The following HEATR4 variants were observed in gnomAD, a reference collection of about 807,000 sequenced individuals.
The protein encoded by HEATR4 is HEAT repeat-containing protein 4.
Under a neutral mutation model 108.8 loss-of-function variants are expected in HEATR4, and 95 were observed. The ratio of observed to expected loss-of-function variants is 0.87; its 90% confidence interval spans 0.74 to 1.04. The LOEUF is 1.04. Ranked by LOEUF, HEATR4 falls within the 50% of genes least tolerant of loss-of-function variation. The pLI is 0.00. For synonymous variants in HEATR4, 443 were observed against 459.4 expected (o/e 0.96, Z 0.46); for missense variants, 1,152 against 1,253.8 (o/e 0.92, Z 1.23).
intron 17 of HEATR4, among the ~76,000 whole-genome samples, chr14:73,490,661 G>C (rs1042799077): frequency 6.6e-6 from 1 of 152,234 alleles, no homozygotes; most frequent in South Asian, 2.1e-4. Context: ...CACCATACTG[G>C]TCAGGCTGGT....
At chr14:73,496,824 T>C in intron 14 of HEATR4, 145 bp from the exon 15 acceptor site, 1 of 610,710 alleles carries the variant, frequency 1.6e-6, no homozygotes, top group Middle Eastern at 4.3e-4. Flanking sequence ...TATGCAAAAA[T>C]GGTATAATGC....
chr14:73,590,273 G>A, the HEATR4 span, among the ~76,000 whole-genome samples: 40 of 152,258 alleles, frequency 2.6e-4, 1 homozygote, highest in East Asian at 4.5e-3. Context: ...CTCCCCACTA[G>A]ATTAGCTAGA....
At chr14:73,562,414 G>A (rs1595165877), upstream of HEATR4, among the ~76,000 whole-genome samples, 1 of 152,006 alleles carries the variant, frequency 6.6e-6, no homozygotes, top group South Asian at 2.1e-4. Context: ...CAAATTGATT[G>A]TAAAACATGT....
At chr14:73,594,099 C>T in the HEATR4 span, among the ~76,000 whole-genome samples, 1 of 152,192 alleles carries the variant, frequency 6.6e-6, no homozygotes, top group Non-Finnish European at 1.5e-5. Context: ...GTAAAATCCA[C>T]ATGAGATTTT....
the HEATR4 span, chr14:73,617,280 A>G: frequency 7.7e-6 from 12 of 1,549,306 alleles, no homozygotes; most frequent in Non-Finnish European, 1.1e-5. Context: ...AACACTGAGA[A>G]CTAGAAACAT....
chr14:73,588,494 C>T, the HEATR4 span, among the ~76,000 whole-genome samples: 1 of 152,168 alleles, frequency 6.6e-6, no homozygotes. Context: ...TAACTCCACC[C>T]TGATCCCAGG....
chr14:73,527,961 CAAAAAAAAAAA>C (rs34109465), intron 2 of HEATR4, among the ~76,000 whole-genome samples: 7 of 52,678 alleles, frequency 1.3e-4, no homozygotes, highest in Admixed American at 1.1e-3. Flanking sequence ...AACTCCATCT[CAAAAAAAAAAA>C]AAAAAAAAAA....
rs1432008297 is a variant in HEATR4, at chr14:73,492,847, C to T, written c.2844+219G>A. ...ATCCAGAGTTTGTGAGAGTGGGGGA[C>T]CTGCCCTGTGACAGTGTGGAGGACC... On this transcript the variant is annotated intron_variant, in intron 17 of 17. Transcript: ENST00000553558. This position sits in a 1 kb window ranked among gnomAD's most constrained non-coding sequence, Gnocchi z 4.9. 2 of 1,613,756 alleles carry T rather than the reference C, an allele frequency of 1.2e-6. No individual in the cohort carries two copies. Among genetic ancestry groups the T allele is most frequent in the African/African-American group, 2.7e-5 (2 of 74,880 alleles).
At chr14:73,594,439 TCAGCGGC>T in the HEATR4 span, among the ~76,000 whole-genome samples, 8 of 10,798 alleles carry the variant, frequency 7.4e-4, no homozygotes, top group African/African-American at 4.0e-3. Flanking sequence ...GATCTGTGGC[TCAGCGGC>T]TCAGCGGCTC....
the HEATR4 span, chr14:73,617,360 G>A: frequency 1.1e-6 from 1 of 937,670 alleles, no homozygotes; most frequent in East Asian, 2.5e-5. Flanking sequence ...TGCACCTGTA[G>A]TCCCAGCTAC....
At chr14:73,623,577 C>G in the HEATR4 span, among the ~76,000 whole-genome samples, 3 of 152,238 alleles carry the variant, frequency 2.0e-5, no homozygotes, top group South Asian at 6.2e-4. Flanking sequence ...GTCCCAGCTA[C>G]TTGGGAGGCT....
chr14:73,614,744 C>T, the HEATR4 span, among the ~76,000 whole-genome samples: 1 of 70,242 alleles, frequency 1.4e-5, no homozygotes, highest in Non-Finnish European at 2.6e-5. Flanking sequence ...GAGACCCTGT[C>T]TCAAAAAAAA....
rs139427381 is a variant in HEATR4, at chr14:73,512,039, G to A, written c.1525C>T (p.Arg509Trp). The change falls in exon 7 of 18, where the codon CGG becomes TGG. Residue 509 changes from arginine to tryptophan, a missense_variant. By Grantham distance (101) the Arg-to-Trp change is moderately radical. Transcript: ENST00000553558. ...ITTCATAALE[R>W]PRIATSQRDS... ...CTCTGGCTGGTGGCAATCCGGGGCC[G>A]TTCCAAAGCAGCTGTGGCACATGTG... 1,530 of 1,614,036 alleles carry A rather than the reference G, an allele frequency of 9.5e-4. 1 individual carries two copies. The highest frequency in any genetic ancestry group is 1.2e-3 in the Non-Finnish European group (1,430 of 1,179,968).
At chr14:73,586,702 G>T in the HEATR4 span, among the ~76,000 whole-genome samples, 5 of 122,994 alleles carry the variant, frequency 4.1e-5, no homozygotes, top group African/African-American at 5.6e-5. Flanking sequence ...GACTCTGTCT[G>T]AAAAAAAAAA....
chr14:73,517,994 G>T (rs896949576), intron 5 of HEATR4, among the ~76,000 whole-genome samples: 7 of 152,194 alleles, frequency 4.6e-5, no homozygotes, highest in African/African-American at 1.7e-4. Flanking sequence ...GCAGAGGCAG[G>T]AGAATCACTT....
At chr14:73,555,880 C>T (rs1454873356) in intron 1 of HEATR4, among the ~76,000 whole-genome samples, 1 of 112,696 alleles carries the variant, frequency 8.9e-6, no homozygotes, top group African/African-American at 2.9e-5. Context: ...TGGCACACAC[C>T]TGTAATCCCA....
chr14:73,616,984 C>G, the HEATR4 span: 1 of 672,794 alleles, frequency 1.5e-6, no homozygotes, highest in Non-Finnish European at 2.6e-6. Flanking sequence ...TTGTGATGTT[C>G]TCCAGGCAGG....
At chr14:73,581,350 G>C in the HEATR4 span, 9 of 151,974 alleles carry the variant, frequency 5.9e-5, no homozygotes, top group African/African-American at 2.2e-4. Flanking sequence ...AGTGGAAAGA[G>C]CAAGGCAGCT....
intron 17 of HEATR4, among the ~76,000 whole-genome samples, chr14:73,479,417 T>TC (rs1566814132): frequency 2.0e-4 from 12 of 60,178 alleles, no homozygotes; most frequent in South Asian, 8.5e-4. Context: ...CCCGGCGTTT[T>TC]TTTTTCTTTC....
Sources: allele counts gnomAD v4.1 joint callset (sites outside exome capture counted in the v4.1 genomes callset), GRCh38; gene constraint gnomAD v4.1.1; non-coding constraint Gnocchi (gnomAD v3.1); transcripts MANE v1.5; gene names NCBI Gene and HGNC (gene_info 2026-07-23, HGNC 2026-07-21).